Variants in IQSEC3 observed in about 807,000 individuals in gnomAD.
IQSEC3 encodes IQ motif and Sec7 domain ArfGEF 3.
In IQSEC3, 50 loss-of-function variants were observed where a neutral mutation model predicts 105.4. That is an observed-to-expected ratio of 0.47 (90% confidence interval 0.38 to 0.60). The LOEUF (loss-of-function observed/expected upper bound fraction) is 0.60. IQSEC3 is among the 20% of genes least tolerant of loss of function. IQSEC3 has a pLI of 0.00. For missense variants in IQSEC3, 1,415 were observed against 1,630.0 expected, an observed-to-expected ratio of 0.87 and a Z score of 2.27; for synonymous variants, 708 against 746.0, an observed-to-expected ratio of 0.95 and a Z score of 0.83.
chr12:141,912 AGTGTGGACAG>A (rs1866046069), intron 5 of IQSEC3: 1 of 152,296 alleles, frequency 6.6e-6, no homozygotes, highest in African/African-American at 2.4e-5. Context: ...CAGCCTTGAT[AGTGTGGACAG>A]GCAAGAGTCT....
chr12:131,316 G>A (rs2136981417), intron 3 of IQSEC3, among the ~76,000 whole-genome samples: 1 of 152,304 alleles, frequency 6.6e-6, no homozygotes, highest in Non-Finnish European at 1.5e-5. Context: ...GAGCAGAGCT[G>A]CTCCCTGGCC....
At chr12:166,486 T>C (rs1249770036) in intron 11 of IQSEC3, among the ~76,000 whole-genome samples, 2 of 152,232 alleles carry the variant, frequency 1.3e-5, no homozygotes, top group African/African-American at 4.8e-5. Context: ...TGTGGGTCTC[T>C]TTCTGTGTCC....
intron 2 of IQSEC3, among the ~76,000 whole-genome samples, chr12:103,765 T>G (rs188839545): frequency 6.6e-3 from 6 of 904 alleles, no homozygotes; most frequent in African/African-American, 0.034. Context: ...TGGGGGGAGG[T>G]GGGGCTCAGG....
At chr12:154,954 C>G (rs1219376207) in intron 5 of IQSEC3, among the ~76,000 whole-genome samples, 1 of 152,178 alleles carries the variant, frequency 6.6e-6, no homozygotes, top group East Asian at 1.9e-4. Flanking sequence ...GCTCTGACCC[C>G]CTTGCTGCGT....
At chr12:131,631 C>A (rs75285970) in intron 3 of IQSEC3, among the ~76,000 whole-genome samples, 1,754 of 152,346 alleles carry the variant, frequency 0.012, 37 homozygotes, top group African/African-American at 0.039. Context: ...GCCTCAGCCA[C>A]AGGTCTGGCA....
intron 5 of IQSEC3, among the ~76,000 whole-genome samples, chr12:146,391 G>T (rs1011420230): frequency 1.3e-5 from 2 of 152,232 alleles, no homozygotes; most frequent in African/African-American, 4.8e-5. Context: ...CAAGGCATCA[G>T]AATCACTTGA....
chr12:76,779 A>G (rs1311673637), intron 1 of IQSEC3, among the ~76,000 whole-genome samples: 1 of 152,276 alleles, frequency 6.6e-6, no homozygotes, highest in Non-Finnish European at 1.5e-5. Context: ...AAGCTCAGGT[A>G]CGGGGCGGCC....
intron 1 of IQSEC3, among the ~76,000 whole-genome samples, chr12:80,791 A>G (rs1022995021): frequency 1.3e-5 from 2 of 152,184 alleles, no homozygotes; most frequent in African/African-American, 4.8e-5. Context: ...TGCACTTTCA[A>G]ACTGGGTGCC....
intron 5 of IQSEC3, among the ~76,000 whole-genome samples, chr12:145,873 T>G (rs1274510654): frequency 6.6e-6 from 1 of 152,250 alleles, no homozygotes; most frequent in Non-Finnish European, 1.5e-5. Context: ...TGGATGATTT[T>G]TTCTGGTGTG....
chr12:72,066 C>T, intron 1 of IQSEC3, among the ~76,000 whole-genome samples: 1 of 152,268 alleles, frequency 6.6e-6, no homozygotes, highest in Non-Finnish European at 1.5e-5. Flanking sequence ...TCTGGGAAAC[C>T]CTGATTGTCT....
chr12:97,100 G>A (rs889967944), intron 1 of IQSEC3, among the ~76,000 whole-genome samples: 4 of 152,200 alleles, frequency 2.6e-5, no homozygotes, highest in Non-Finnish European at 5.9e-5. Context: ...CTTAATTTGA[G>A]TTTGTGAGGC....
At chr12:88,731 G>T (rs908303840) in intron 1 of IQSEC3, among the ~76,000 whole-genome samples, 12 of 152,146 alleles carry the variant, frequency 7.9e-5, no homozygotes, top group Admixed American at 6.5e-4. Flanking sequence ...TACAGTGGTA[G>T]ATTGCACCAG....
At chr12:77,152 G>A (rs1475293990) in intron 1 of IQSEC3, among the ~76,000 whole-genome samples, 5 of 152,270 alleles carry the variant, frequency 3.3e-5, no homozygotes, top group Non-Finnish European at 7.3e-5. Context: ...CTTCCGAACC[G>A]GCATCATCTG....
chr12:116,749 C>G (rs1261339574), intron 2 of IQSEC3, among the ~76,000 whole-genome samples: 1 of 151,890 alleles, frequency 6.6e-6, no homozygotes, highest in Admixed American at 6.6e-5. Flanking sequence ...GAGGCTCCCA[C>G]GAGGCTCCTG....
chr12:136,057 A>G (rs1224959242), intron 3 of IQSEC3, among the ~76,000 whole-genome samples: 9 of 152,264 alleles, frequency 5.9e-5, no homozygotes, highest in African/African-American at 1.9e-4. Flanking sequence ...AGCACCTTGA[A>G]GACCCCTCCA....
chr12:107,834 G>A (rs1555078475), intron 2 of IQSEC3, among the ~76,000 whole-genome samples: 1 of 152,024 alleles, frequency 6.6e-6, no homozygotes, highest in African/African-American at 2.4e-5. Context: ...ATCACACATG[G>A]CCTGGGGACC....
intron 3 of IQSEC3, among the ~76,000 whole-genome samples, chr12:134,685 A>G (rs972287379): frequency 3.2e-4 from 49 of 151,906 alleles, no homozygotes; most frequent in African/African-American, 1.2e-3. Flanking sequence ...CCGAGGTGCC[A>G]GGAGTTCAGG....
At chr12:174,466 G>C in intron 13 of IQSEC3, 133 bp from the exon 14 acceptor site, 1 of 818,644 alleles carries the variant, frequency 1.2e-6, no homozygotes. Flanking sequence ...TCTTGTGGGT[G>C]GAGAGATGGC....
intron 2 of IQSEC3, among the ~76,000 whole-genome samples, chr12:123,078 A>T (rs905490954): frequency 4.6e-5 from 7 of 152,144 alleles, no homozygotes; most frequent in African/African-American, 1.7e-4. Context: ...GCTTAAAAAG[A>T]ACTTCCCAGT....
Sources: gnomAD v4.1 joint callset for allele counts (sites outside exome capture counted in the v4.1 genomes callset) on GRCh38, gnomAD v4.1.1 for gene constraint, MANE v1.5 for transcripts, NCBI Gene and HGNC (gene_info 2026-07-23, HGNC 2026-07-21) for gene names.